Variants in ATOH8 observed in about 807,000 individuals in gnomAD.
The protein encoded by ATOH8 is transcription factor ATOH8.
Under a neutral mutation model 21.2 loss-of-function variants are expected in ATOH8, and 9 were observed. The ratio of observed to expected loss-of-function variants is 0.42; its 90% confidence interval spans 0.26 to 0.74. The LOEUF (loss-of-function observed/expected upper bound fraction) is 0.74, where lower values mean the gene tolerates loss of function less well. ATOH8 is among the 30% of genes least tolerant of loss of function. ATOH8 has a pLI of 0.24. For synonymous variants in ATOH8, 253 were observed against 224.0 expected (o/e 1.13, Z -1.16); for missense variants, 524 against 470.9 (o/e 1.11, Z -1.04).
At chr2:85,771,344 T>C (rs1042725408) in intron 2 of ATOH8, among the ~76,000 whole-genome samples, 1 of 152,192 alleles carries the variant, frequency 6.6e-6, no homozygotes, top group Non-Finnish European at 1.5e-5. Flanking sequence ...AAATCTGCCT[T>C]GCTGCCTTGC....
intron 1 of ATOH8, 33 bp from the exon 2 acceptor site, chr2:85,763,958 C>T (rs1234658048): frequency 6.2e-7 from 1 of 1,602,840 alleles, no homozygotes; most frequent in African/African-American, 1.3e-5. Flanking sequence ...GCACTGCGCC[C>T]CTGCAGCCCC....
In ATOH8 at chr2:85,772,383, C is replaced by G. The variant is rs552526420; in HGVS notation, c.960+8201C>G. Among the ~76,000 whole-genome samples the G allele has an allele frequency of 2.6e-5, 4 of 152,352 alleles. No homozygotes were observed. The East Asian group carries it at 7.7e-4, about 29-fold the overall frequency. ...TGAGTCCATGGGAGCTCCGCTGGAACAGAGGGTCCCCCGCCCGGCCGCCGC... is the reference window on the plus strand; with the variant it reads ...TGAGTCCATGGGAGCTCCGCTGGAAGAGAGGGTCCCCCGCCCGGCCGCCGC... On this transcript the variant is annotated intron_variant, in intron 2 of 2. Coordinates refer to ENST00000306279, the MANE Select transcript of ATOH8 (RefSeq NM_032827.7).
chr2:85,772,939 C>T (rs1224748723), intron 2 of ATOH8: 21 of 408,200 alleles, frequency 5.1e-5, no homozygotes, highest in Middle Eastern at 3.5e-4. Context: ...TTTTCTTTCT[C>T]AAGGCTGTTG....
At chr2:85,757,421 C>T (rs986617923) in intron 1 of ATOH8, among the ~76,000 whole-genome samples, 10 of 152,248 alleles carry the variant, frequency 6.6e-5, no homozygotes, top group Non-Finnish European at 1.3e-4. Context: ...GAGCTAGGCT[C>T]GGGCCTGACT....
rs766333168 is a variant in ATOH8, at chr2:85,764,166, G to A, written c.944G>A (p.Arg315His). Residue 315 changes from arginine to histidine, a missense_variant, in exon 2 of 3, where the codon CGT becomes CAT. Coordinates refer to ENST00000306279, the MANE Select transcript of ATOH8 (RefSeq NM_032827.7). ...ACCCGCACCCTGCAGGCCGAGGGAC[G>A]TGCCAAGAAGCGCAAGGTATGCACC... ...RCTRTLQAEGRAKKRKE is the reference protein window; with the variant it reads ...RCTRTLQAEGHAKKRKE 28 of 1,614,150 alleles carry A rather than the reference G, an allele frequency of 1.7e-5. No individual in the cohort carries two copies. The highest frequency in any genetic ancestry group is 2.7e-5 in the African/African-American group (2 of 75,054).
rs1680021442 is a variant in ATOH8, at chr2:85,766,559, G to A, written c.960+2377G>A. On this transcript the variant is annotated intron_variant, in intron 2 of 2. Transcript: ENST00000306279. The surrounding 1 kb of genome is among the most constrained non-coding windows in gnomAD (Gnocchi z 4.0). ...TGGCTGGCCCTGCGTCTCCCCATGG[G>A]GGCCGGTGTTCATAATTCCAGCCCT... Among the ~76,000 whole-genome samples, 1 of 152,100 alleles carries A rather than the reference G, an allele frequency of 6.6e-6. No individual in the cohort carries two copies. The highest frequency in any genetic ancestry group is 6.5e-5 in the Admixed American group (1 of 15,278).
Position 85,790,462 on chromosome 2 carries a change from T to A in ATOH8, c.*3572T>A, listed in dbSNP as rs888166497. On this transcript the variant is annotated 3_prime_UTR_variant, in exon 3 of 3. Transcript: ENST00000306279. The stretch of plus-strand genomic sequence containing the variant: ...CACAGACTGTGCTGCTTCCTGGGTC[T>A]GGCCTGAGACTATCCCAGAAGAGAG... 6.6e-6 allele frequency among the ~76,000 whole-genome samples: 1 copy of A among 152,236 alleles called. No individual in the cohort carries two copies. Among genetic ancestry groups the A allele is most frequent in the South Asian group, 2.1e-4 (1 of 4,828 alleles).
intron 1 of ATOH8, among the ~76,000 whole-genome samples, chr2:85,756,705 G>A (rs1679712041): frequency 6.6e-6 from 1 of 152,158 alleles, no homozygotes; most frequent in Non-Finnish European, 1.5e-5. Flanking sequence ...GGAACACTGA[G>A]GCCCAGAGAT....
chr2:85,779,309 G>T lies in ATOH8; in HGVS notation c.961-7576G>T, dbSNP rs556833365. Among the ~76,000 whole-genome samples, 37 of 152,360 alleles carry T rather than the reference G, an allele frequency of 2.4e-4. No individual in the cohort carries two copies. In the South Asian group the frequency reaches 5.0e-3, roughly 20 times the overall value. On this transcript the variant is annotated intron_variant, in intron 2 of 2. Coordinates refer to ENST00000306279, the MANE Select transcript of ATOH8 (RefSeq NM_032827.7). ...ACGCTGGGGGTGAGCTGGGGTGGGG[G>T]GCAAGAAAGACAGATAGACTGATGG...
rs1323456384 is a variant in ATOH8 at position 85,787,172 on chromosome 2, C to G, written c.*282C>G. ...GACCCCAAGGCCCACTGTCCAGCTG[C>G]AGAAATTCGTTGCCAAAGATTGGAC... On this transcript the variant is annotated 3_prime_UTR_variant, in exon 3 of 3. Transcript: ENST00000306279. 4.6e-6 allele frequency: 2 copies of G among 435,002 alleles called. No individual in the cohort carries two copies. The highest frequency in any genetic ancestry group is 8.2e-6 in the Non-Finnish European group (2 of 243,956). The allele number at this position is 435,002 out of a possible 1,614,324, so 26.9% of individuals were successfully genotyped here.
chr2:85,754,006 C>A lies in ATOH8; in HGVS notation c.-184C>A, dbSNP rs369177701. On this transcript the variant is annotated 5_prime_UTR_variant, in exon 1 of 3. Transcript: ENST00000306279. ...CAGCGACTTCAGATGACACTCTGAG[C>A]GCTCCGGGAACGGACAGCCCGGCGG... 758 of 587,616 alleles carry A rather than the reference C, an allele frequency of 1.3e-3. 11 individuals are homozygous for A. In the South Asian group the frequency reaches 0.017, roughly 13 times the overall value. 36.4% of individuals were successfully genotyped at this position (587,616 alleles called of 1,614,324 possible).
chr2:85,768,817 G>T (rs1267640070), intron 2 of ATOH8, among the ~76,000 whole-genome samples: 2 of 152,162 alleles, frequency 1.3e-5, no homozygotes, highest in South Asian at 2.1e-4. Context: ...CCCCTTCTGG[G>T]CCTCACAGAT....
intron 2 of ATOH8, among the ~76,000 whole-genome samples, chr2:85,781,781 T>C (rs749023598): frequency 2.8e-4 from 42 of 151,944 alleles, no homozygotes; most frequent in African/African-American, 3.1e-4. Context: ...AGGAGGCTGA[T>C]TGGGGAGAAT....
chr2:85,766,078 T>G lies in ATOH8; in HGVS notation c.960+1896T>G, dbSNP rs80250610. 6.2e-3 allele frequency among the ~76,000 whole-genome samples: 939 copies of G among 152,138 alleles called. 12 individuals carry two copies. The highest frequency in any genetic ancestry group is 0.021 in the African/African-American group (871 of 41,508). Reference sequence around the variant, plus strand: ...AGCCTCCTCCGCCTCAGTTTTCTTGTTGATAAGTGGGGACGGTGGAAATAC... The same window carrying G: ...AGCCTCCTCCGCCTCAGTTTTCTTGGTGATAAGTGGGGACGGTGGAAATAC... On this transcript the variant is annotated intron_variant, in intron 2 of 2. Coordinates refer to ENST00000306279, the MANE Select transcript of ATOH8 (RefSeq NM_032827.7). The surrounding 1 kb of genome is among the most constrained non-coding windows in gnomAD (Gnocchi z 4.0).
chr2:85,768,773 G>T (rs544029960), intron 2 of ATOH8, among the ~76,000 whole-genome samples: 1 of 152,224 alleles, frequency 6.6e-6, no homozygotes, highest in African/African-American at 2.4e-5. Context: ...TCGGCAGGGG[G>T]TGGGGAACCT....
intron 2 of ATOH8, 66 bp from the exon 3 acceptor site, chr2:85,786,819 C>T: frequency 6.2e-7 from 1 of 1,609,188 alleles, no homozygotes; most frequent in Non-Finnish European, 8.5e-7. Flanking sequence ...GGACATTCTG[C>T]AGCTGTCCAG....
rs1403134511 is a variant in ATOH8, at chr2:85,754,717, G to T, written c.528G>T (p.Glu176Asp). 1 of 1,611,538 alleles carries T rather than the reference G, an allele frequency of 6.2e-7. No individual in the cohort carries two copies. Among genetic ancestry groups the T allele is most frequent in the South Asian group, 1.1e-5 (1 of 91,060 alleles). ...SAPPAPPAPP[E>D]STVRPAPPTR... ...CCCCAGCACCGCCAGCGCCCCCGGA[G>T]TCCACTGTGCGCCCTGCGCCCCCGA... The change falls in exon 1 of 3, where the codon GAG becomes GAT. Residue 176 changes from glutamate to aspartate, a missense_variant. Transcript: ENST00000306279.
chr2:85,780,214 G>A (rs1309643767), intron 2 of ATOH8, among the ~76,000 whole-genome samples: 2 of 152,184 alleles, frequency 1.3e-5, no homozygotes, highest in Non-Finnish European at 2.9e-5. Context: ...GTAAGGGCCT[G>A]CAACACTGTG....
intron 1 of ATOH8, among the ~76,000 whole-genome samples, chr2:85,761,852 G>A (rs1032585923): frequency 2.0e-5 from 3 of 152,212 alleles, no homozygotes; most frequent in African/African-American, 4.8e-5. Flanking sequence ...CTGGGAACGA[G>A]CAAAGTGCAT....
Sources: gnomAD v4.1 joint callset for allele counts (sites outside exome capture counted in the v4.1 genomes callset) on GRCh38, gnomAD v4.1.1 for gene constraint, Gnocchi (gnomAD v3.1) non-coding constraint, MANE v1.5 for transcripts, NCBI Gene and HGNC (gene_info 2026-07-23, HGNC 2026-07-21) for gene names.